GTF2F2: variants seen among roughly 807,000 people sequenced by gnomAD.
The protein encoded by GTF2F2 is general transcription factor IIF subunit 2, also known as ATP-dependent helicase GTF2F2.
In GTF2F2, 23 loss-of-function variants were observed where a neutral mutation model predicts 42.2. The ratio of observed to expected loss-of-function variants is 0.55; its 90% CI spans 0.39 to 0.77. GTF2F2 has a LOEUF of 0.77. Among genes scored for constraint, GTF2F2 ranks in the 30% least tolerant of loss-of-function variants. The pLI, the probability that GTF2F2 is intolerant of heterozygous loss-of-function variation, is 0.00. For missense variants in GTF2F2, 261 were observed against 287.2 expected (o/e 0.91, Z 0.66); for synonymous variants, 105 against 100.8 (o/e 1.04, Z -0.25).
intron 5 of GTF2F2, among the ~76,000 whole-genome samples, chr13:45,244,214 T>TACTTTGA (rs766376157): frequency 1.4e-4 from 21 of 152,212 alleles, no homozygotes; most frequent in Non-Finnish European, 2.8e-4. Flanking sequence ...AAGGAGAAAT[T>TACTTTGA]ACTTTGAACT....
At chr13:45,137,987 C>CA (rs112581500) in intron 2 of GTF2F2, among the ~76,000 whole-genome samples, 1 of 152,180 alleles carries the variant, frequency 6.6e-6, no homozygotes, top group African/African-American at 2.4e-5. Context: ...CATAATCGGC[C>CA]ACGTCCACAT....
At chr13:45,255,097 C>A (rs568531340) in intron 6 of GTF2F2, among the ~76,000 whole-genome samples, 1 of 132,636 alleles carries the variant, frequency 7.5e-6, no homozygotes, top group East Asian at 2.2e-4. Context: ...ACCCAGGAGG[C>A]AGAAGTTGCA....
intron 5 of GTF2F2, among the ~76,000 whole-genome samples, chr13:45,231,671 T>C (rs1322293275): frequency 6.6e-6 from 1 of 152,116 alleles, no homozygotes; most frequent in African/African-American, 2.4e-5. Context: ...GACTACTCTT[T>C]CTCTCATTTT....
chr13:45,210,667 A>G (rs1873595536), intron 5 of GTF2F2, among the ~76,000 whole-genome samples: 1 of 152,194 alleles, frequency 6.6e-6, no homozygotes, highest in Non-Finnish European at 1.5e-5. Flanking sequence ...TTTGTCTACA[A>G]TAGTTCATTC....
intron 5 of GTF2F2, among the ~76,000 whole-genome samples, chr13:45,250,783 C>T (rs1274540787): frequency 6.6e-6 from 1 of 152,162 alleles, no homozygotes; most frequent in Non-Finnish European, 1.5e-5. Context: ...ATCGAAGAAT[C>T]ATTAATCTAA....
At chr13:45,217,722 G>A (rs1224331981) in intron 5 of GTF2F2, among the ~76,000 whole-genome samples, 1 of 152,218 alleles carries the variant, frequency 6.6e-6, no homozygotes, top group African/African-American at 2.4e-5. Context: ...AGCTTTGCAG[G>A]ATAAAAATAC....
intron 4 of GTF2F2, among the ~76,000 whole-genome samples, chr13:45,157,639 T>C (rs924772491): frequency 1.3e-5 from 2 of 152,170 alleles, no homozygotes; most frequent in Non-Finnish European, 2.9e-5. Flanking sequence ...GATTCTTTTT[T>C]TGGTGGGGAG....
intron 4 of GTF2F2, among the ~76,000 whole-genome samples, chr13:45,184,168 T>G (rs1437689057): frequency 6.6e-6 from 1 of 152,070 alleles, no homozygotes; most frequent in African/African-American, 2.4e-5. Context: ...TCACATACTT[T>G]CCCAGAAGAG....
intron 7 of GTF2F2, among the ~76,000 whole-genome samples, chr13:45,267,704 T>C (rs1593527260): frequency 6.6e-6 from 1 of 152,084 alleles, no homozygotes; most frequent in Admixed American, 6.6e-5. Flanking sequence ...ACTCCTTCCC[T>C]TTTTTTGGAA....
intron 4 of GTF2F2, among the ~76,000 whole-genome samples, chr13:45,200,706 C>T (rs2138182312): frequency 6.6e-6 from 1 of 152,264 alleles, no homozygotes; most frequent in Middle Eastern, 3.4e-3. Context: ...ATGCTAGTAC[C>T]TTTTATTAGT....
intron 4 of GTF2F2, among the ~76,000 whole-genome samples, chr13:45,170,319 G>C (rs913111116): frequency 8.5e-5 from 13 of 152,212 alleles, no homozygotes; most frequent in African/African-American, 3.1e-4. Flanking sequence ...GCTGAGACTG[G>C]TTATCTTTGT....
rs911717082 is a variant in GTF2F2 at position 45,193,682 on chromosome 13, T to C, written c.305-13742T>C. 1.1e-5 allele frequency: 11 copies of C among 1,012,334 alleles called. No individual in the cohort carries two copies. The African/African-American group carries it at 1.1e-4, about 10-fold the overall frequency. 62.7% of individuals were successfully genotyped at this position (1,012,334 alleles called of 1,614,324 possible). A position where few individuals can be genotyped will look rare whatever the true frequency, so the allele number is the denominator to read the frequency against. ...CAGTAATTGATTAGTAGCAGGGCTC[T>C]GTAGTACAGAGCTAGCTGGGCATGT... On this transcript the variant is annotated intron_variant, in intron 4 of 7. Coordinates refer to ENST00000340473, the MANE Select transcript of GTF2F2 (RefSeq NM_004128.3).
At chr13:45,252,173 C>G (rs138703414) in intron 5 of GTF2F2, among the ~76,000 whole-genome samples, 25 of 152,318 alleles carry the variant, frequency 1.6e-4, no homozygotes, top group Non-Finnish European at 3.1e-4. Context: ...GACATGGTCT[C>G]TCTCTGTTGC....
chr13:45,268,321 A>G (rs1347720550), intron 7 of GTF2F2, among the ~76,000 whole-genome samples: 2 of 152,172 alleles, frequency 1.3e-5, no homozygotes, highest in Non-Finnish European at 2.9e-5. Context: ...AACATAACCA[A>G]ATAACCTATT....
intron 1 of GTF2F2, among the ~76,000 whole-genome samples, chr13:45,121,732 A>T (rs1321338383): frequency 6.6e-6 from 1 of 152,226 alleles, no homozygotes; most frequent in Non-Finnish European, 1.5e-5. Flanking sequence ...TGTTTGGCGC[A>T]TGGTAATTAC....
chr13:45,232,077 C>T (rs959047351), intron 5 of GTF2F2, among the ~76,000 whole-genome samples: 6 of 152,166 alleles, frequency 3.9e-5, no homozygotes, highest in African/African-American at 7.2e-5. Flanking sequence ...GCACTTATCA[C>T]ATAGTCATAG....
chr13:45,263,194 G>A (rs1400876887), intron 6 of GTF2F2, among the ~76,000 whole-genome samples: 4 of 151,708 alleles, frequency 2.6e-5, no homozygotes, highest in Non-Finnish European at 5.9e-5. Context: ...TTTTGTTCTT[G>A]CTATCGTTAT....
chr13:45,149,271 C>CA (rs753889892), intron 2 of GTF2F2, among the ~76,000 whole-genome samples: 1,439 of 98,344 alleles, frequency 0.015, 15 homozygotes, highest in African/African-American at 0.027. Context: ...CTTGTCTCTA[C>CA]AAAAAAAAAA....
Position 45,171,069 on chromosome 13 carries a change from C to CTT in GTF2F2, c.304+19263_304+19264dup, listed in dbSNP as rs908914894. 1.7e-3 allele frequency among the ~76,000 whole-genome samples: 157 copies of CTT among 94,238 alleles called. 8 individuals are homozygous for CTT. Among genetic ancestry groups the CTT allele is most frequent in the African/African-American group, 4.4e-3 (74 of 16,640 alleles). The allele number at this position is 94,238 out of a possible 152,430, so 61.8% of individuals were successfully genotyped here. A position where few individuals can be genotyped will look rare whatever the true frequency, so the allele number is the denominator to read the frequency against. On this transcript the variant is annotated intron_variant, in intron 4 of 7. Coordinates refer to ENST00000340473, the MANE Select transcript of GTF2F2 (RefSeq NM_004128.3). ...AAAATGCTACTGCCTAAAACCCTAT[C>CTT]TTTTTTTTTTTTTTTTTTTTTTTTT...
Sources: gnomAD v4.1 joint callset for allele counts (sites outside exome capture counted in the v4.1 genomes callset) on GRCh38, gnomAD v4.1.1 for gene constraint, MANE v1.5 for transcripts, NCBI Gene and HGNC (gene_info 2026-07-23, HGNC 2026-07-21) for gene names.